USP31: variants seen among roughly 807,000 people sequenced by gnomAD.
USP31 encodes ubiquitin specific peptidase 31.
Under a neutral mutation model 119.4 loss-of-function variants are expected in USP31, and 44 were observed. That is an observed-to-expected ratio of 0.37 (90% CI 0.29 to 0.47). The LOEUF (loss-of-function observed/expected upper bound fraction) is 0.47. Ranked by LOEUF, USP31 falls within the 20% of genes least tolerant of loss-of-function variation. USP31 has a pLI of 0.99. For synonymous variants in USP31, 749 were observed against 705.6 expected, an observed-to-expected ratio of 1.06 and a Z score of -0.97; for missense variants, 1,643 against 1,730.2, an observed-to-expected ratio of 0.95 and a Z score of 0.89.
At chr16:23,086,963 GTACT>G in intron 9 of USP31, 125 bp downstream of exon 9, 1 of 639,466 alleles carries the variant, frequency 1.6e-6, no homozygotes, top group Non-Finnish European at 2.7e-6. Flanking sequence ...AGTAAAATAA[GTACT>G]TAATTTCGAA....
chr16:23,126,155 GA>G (rs1026604588), intron 1 of USP31, among the ~76,000 whole-genome samples: 61 of 143,590 alleles, frequency 4.2e-4, no homozygotes, highest in Non-Finnish European at 4.4e-4. Flanking sequence ...GTCTCTACAA[GA>G]AAAAAAAAAA....
At position 23,106,319 on chromosome 16, in the gene USP31, AG is replaced by A. The variant is rs1567237902; in HGVS notation, c.861-15del. On this transcript the variant is annotated splice_polypyrimidine_tract_variant and intron_variant, in intron 3 of 15. Coordinates refer to ENST00000219689, the MANE Select transcript of USP31 (RefSeq NM_020718.4). ...GTCAAAGAAGATCTTCAAAACAAAA[AG>A]GTAAGACGCTTGACATTAAAATCAC... 2 of 1,614,104 alleles carry A rather than the reference AG, an allele frequency of 1.2e-6. No individual in the cohort carries two copies. Among genetic ancestry groups the A allele is most frequent in the East Asian group, 2.2e-5 (1 of 44,876 alleles).
chr16:23,107,901 A>T (rs564037248), intron 2 of USP31, 145 bp downstream of exon 2: 2 of 970,742 alleles, frequency 2.1e-6, no homozygotes, highest in African/African-American at 3.3e-5. Flanking sequence ...ACAAAATGAA[A>T]TGTCCTTTAA....
At chr16:23,127,768 G>A (rs374436878) in intron 1 of USP31, among the ~76,000 whole-genome samples, 42 of 151,536 alleles carry the variant, frequency 2.8e-4, no homozygotes, top group African/African-American at 8.5e-4. Context: ...GTGAGCCAAC[G>A]CGCCTGGCCG....
intron 1 of USP31, among the ~76,000 whole-genome samples, chr16:23,134,650 T>C (rs1295120000): frequency 1.3e-5 from 2 of 148,984 alleles, no homozygotes; most frequent in Admixed American, 1.3e-4. Context: ...AGGTAAATAT[T>C]TTAGAACACA....
At chr16:23,124,493 G>A (rs1379431404) in intron 1 of USP31, among the ~76,000 whole-genome samples, 2 of 152,194 alleles carry the variant, frequency 1.3e-5, no homozygotes, top group African/African-American at 4.8e-5. Context: ...AGAAGTGAGT[G>A]CCCTCTCCGG....
intron 13 of USP31, among the ~76,000 whole-genome samples, chr16:23,075,746 A>G (rs940525515): frequency 1.1e-4 from 16 of 152,188 alleles, no homozygotes; most frequent in African/African-American, 3.6e-4. Flanking sequence ...ATATCATTAT[A>G]CCATCGATTA....
At chr16:23,082,315 A>T in intron 12 of USP31, 123 bp downstream of exon 12, 1 of 1,320,246 alleles carries the variant, frequency 7.6e-7, no homozygotes, top group Admixed American at 2.0e-5. Flanking sequence ...TGTCTATAAC[A>T]TACACAGACA....
intron 1 of USP31, 120 bp from the exon 2 acceptor site, chr16:23,108,303 A>G: frequency 1.5e-6 from 2 of 1,347,716 alleles, no homozygotes; most frequent in Non-Finnish European, 2.0e-6. Context: ...TACTTCCCAG[A>G]AGGAGTGCAA....
intron 15 of USP31, among the ~76,000 whole-genome samples, chr16:23,071,747 G>GTCA (rs1555463682): frequency 6.9e-6 from 1 of 145,676 alleles, no homozygotes; most frequent in Non-Finnish European, 1.5e-5. Context: ...AACACTTTGG[G>GTCA]AAAAAAAAAA....
In USP31 at chr16:23,085,572, T is replaced by A. The variant is rs1180333292; in HGVS notation, c.1700+13A>T. 6.2e-7 allele frequency: 1 copy of A among 1,609,534 alleles called. No homozygotes were observed. Among genetic ancestry groups the A allele is most frequent in the Non-Finnish European group, 8.5e-7 (1 of 1,177,026 alleles). ...ACAATGTTTCTATAAACACTAACTT[T>A]AAAAATACTCACAAATCTCTTGTCT... is the stretch of plus-strand genomic sequence containing the variant. On this transcript the variant is annotated intron_variant, in intron 10 of 15. Coordinates refer to ENST00000219689, the MANE Select transcript of USP31 (RefSeq NM_020718.4).
At chr16:23,087,689 C>T in intron 8 of USP31, 35 bp downstream of exon 8, 1 of 1,564,384 alleles carries the variant, frequency 6.4e-7, no homozygotes, top group Non-Finnish European at 8.8e-7. Flanking sequence ...GAGTATATAC[C>T]CATGCTATGC....
intron 15 of USP31, 129 bp downstream of exon 15, chr16:23,071,916 C>T (rs2141829146): frequency 7.9e-7 from 1 of 1,258,526 alleles, no homozygotes; most frequent in African/African-American, 1.5e-5. Context: ...TACACAGCTC[C>T]ACTCCCTGTA....
intron 5 of USP31, 93 bp from the exon 6 acceptor site, chr16:23,102,556 T>A: frequency 6.9e-7 from 1 of 1,441,814 alleles, no homozygotes. Flanking sequence ...CCATCAGGAC[T>A]GGCAGTGGTC....
intron 1 of USP31, among the ~76,000 whole-genome samples, chr16:23,123,891 C>T (rs976650004): frequency 6.6e-6 from 1 of 151,600 alleles, no homozygotes; most frequent in Non-Finnish European, 1.5e-5. Flanking sequence ...TCCCAGCTAC[C>T]AGAGAGCTGA....
intron 7 of USP31, among the ~76,000 whole-genome samples, chr16:23,089,410 T>C (rs143543230): frequency 6.6e-6 from 1 of 152,202 alleles, no homozygotes; most frequent in African/African-American, 2.4e-5. Flanking sequence ...CGGTCTGTCC[T>C]AGCTAGGATG....
intron 1 of USP31, among the ~76,000 whole-genome samples, chr16:23,124,231 G>T (rs1295170233): frequency 6.6e-6 from 1 of 152,118 alleles, no homozygotes; most frequent in African/African-American, 2.4e-5. Context: ...AATCAATGAT[G>T]TTCATAACAA....
chr16:23,099,742 C>A (rs999595382), intron 6 of USP31, among the ~76,000 whole-genome samples: 1 of 152,058 alleles, frequency 6.6e-6, no homozygotes, highest in Non-Finnish European at 1.5e-5. Flanking sequence ...GTAGTTTTGA[C>A]CACCCACAGA....
chr16:23,142,269 A>G (rs1200254430), intron 1 of USP31, among the ~76,000 whole-genome samples: 2 of 152,206 alleles, frequency 1.3e-5, no homozygotes, highest in African/African-American at 4.8e-5. Flanking sequence ...TACTGGAGAG[A>G]GATCCACATG....
Sources: gnomAD v4.1 joint callset for allele counts (sites outside exome capture counted in the v4.1 genomes callset) on GRCh38, gnomAD v4.1.1 for gene constraint, MANE v1.5 for transcripts, NCBI Gene and HGNC (gene_info 2026-07-23, HGNC 2026-07-21) for gene names.